Variants in CHD8 observed in about 807,000 individuals in gnomAD.
CHD8 encodes chromodomain helicase DNA binding protein 8.
CHD8 carries 31 observed loss-of-function variants against 279.2 expected under a neutral mutation model. The ratio of observed to expected loss-of-function variants is 0.11; its 90% confidence interval spans 0.08 to 0.15. CHD8 has a LOEUF of 0.15. CHD8 is among the 10% of genes least tolerant of loss of function. CHD8 has a pLI of 1.00. For synonymous variants in CHD8, 1,081 were observed against 1,139.6 expected (o/e 0.95, Z 1.04); for missense variants, 2,146 against 3,230.5 (o/e 0.66, Z 8.14).
chr14:21,388,631 A>G (rs1029960612), intron 37 of CHD8, among the ~76,000 whole-genome samples: 2 of 152,078 alleles, frequency 1.3e-5, no homozygotes, highest in African/African-American at 4.8e-5. Context: ...AGCTGATACT[A>G]GAGGACTGCA....
At position 21,409,835 on chromosome 14, in the gene CHD8, A is replaced by G. The variant is rs1352859355; in HGVS notation, c.2364+16T>C. 8 of 1,608,510 alleles carry G rather than the reference A, an allele frequency of 5.0e-6. No homozygotes were observed. The highest frequency in any genetic ancestry group is 6.8e-6 in the Non-Finnish European group (8 of 1,177,418). ...TTCTTATGTAGGCCTTTATACTTTA[A>G]TGCAAATGTACTTACCACCCTTTTG... On this transcript the variant is annotated intron_variant, in intron 11 of 37. Coordinates refer to ENST00000646647, the MANE Select transcript of CHD8 (RefSeq NM_001170629.2).
intron 1 of CHD8, among the ~76,000 whole-genome samples, chr14:21,446,761 A>C (rs1435897238): frequency 6.6e-6 from 1 of 152,244 alleles, no homozygotes; most frequent in Non-Finnish European, 1.5e-5. Context: ...TAGCTCCAGA[A>C]GACACATTCT....
rs1888233855 is a variant in CHD8 at position 21,405,896 on chromosome 14, T to C, written c.2908-32A>G. The C allele has an allele frequency of 6.3e-7, 1 of 1,586,888 alleles. No individual in the cohort carries two copies. Among genetic ancestry groups the C allele is most frequent in the Non-Finnish European group, 8.6e-7 (1 of 1,166,920 alleles). ...ATGGAGGAAACAAAAGAATAAAATT[T>C]AAAAACATGAAGGACTTCTGGGGTT... On this transcript the variant is annotated intron_variant, in intron 14 of 37. Coordinates refer to ENST00000646647, the MANE Select transcript of CHD8 (RefSeq NM_001170629.2). This position sits in a 1 kb window ranked among gnomAD's most constrained non-coding sequence, Gnocchi z 4.2.
chr14:21,385,800 G>C lies in CHD8; in HGVS notation c.7559C>G (p.Pro2520Arg). 1 of 1,550,730 alleles carries C rather than the reference G, an allele frequency of 6.4e-7. No individual in the cohort carries two copies. Among genetic ancestry groups the C allele is most frequent in the Non-Finnish European group, 8.7e-7 (1 of 1,146,756 alleles). The change falls in exon 38 of 38, where the codon CCA becomes CGA. Residue 2520 changes from proline to arginine, a missense_variant. Physicochemically the swap from Pro to Arg is moderately radical, Grantham distance 103 (BLOSUM62 -2). Transcript: ENST00000646647. ...GGTAGTACCAGAGGCGGTAGTCACT[G>C]GTGAAGAGGGGTAGCCAGGGGCTCT... ...GLRAPGYPSS[P>R]VTTASGTTLR...
At position 21,438,982 on chromosome 14, in the gene CHD8, CTGGGAG is replaced by C. The variant is rs1379127400; in HGVS notation, c.-215-7130_-215-7125del. 4.6e-5 allele frequency among the ~76,000 whole-genome samples: 7 copies of C among 152,104 alleles called. No homozygotes were observed. In the East Asian group the frequency reaches 1.4e-3, roughly 29 times the overall value. On this transcript the variant is annotated intron_variant, in intron 1 of 37. Transcript: ENST00000646647. ...TCTCTACTAAAAATACAAAAACTAG[CTGGGAG>C]TGGTGGCACTCACCTGTAGTCCCAG...
intron 1 of CHD8, among the ~76,000 whole-genome samples, chr14:21,435,216 G>C (rs188908822): frequency 1.3e-5 from 2 of 152,326 alleles, no homozygotes; most frequent in Admixed American, 1.3e-4. Flanking sequence ...CATGTAGGGG[G>C]TGAGGGATGG....
chr14:21,426,800 T>C (rs112923429), intron 4 of CHD8: 2,206 of 152,416 alleles, frequency 0.014, 17 homozygotes, highest in Non-Finnish European at 0.024. Context: ...CACTCAATTA[T>C]GACAAGAATT....
chr14:21,449,123 A>G (rs148823420), intron 1 of CHD8, among the ~76,000 whole-genome samples: 1,555 of 152,028 alleles, frequency 0.01, 28 homozygotes, highest in African/African-American at 0.036. Flanking sequence ...GCAGTGAGCC[A>G]AGACTGCGCC....
intron 1 of CHD8, among the ~76,000 whole-genome samples, chr14:21,434,039 CTTTTTTTTT>C (rs57822562): frequency 2.6e-5 from 3 of 115,884 alleles, no homozygotes; most frequent in Non-Finnish European, 3.7e-5. Context: ...GTGAAAGTTT[CTTTTTTTTT>C]TTTTTTTTTT....
In CHD8 at chr14:21,393,688, G is replaced by A; in HGVS notation, c.6107C>T (p.Pro2036Leu). The A allele has an allele frequency of 6.2e-7, 1 of 1,614,000 alleles. No homozygotes were observed. Residue 2036 changes from proline to leucine, a missense_variant, in exon 32 of 38, where the codon CCA (proline) becomes CTA (leucine). Transcript: ENST00000646647. The stretch of plus-strand genomic sequence containing the variant: ...TCGCATCTCATAGTCTTGTGGGGTT[G>A]GTCGGCTCCTGGCCACCACCTCGTG... Reference protein sequence around the residue: ...LEHEVVARSRPTPQDYEMRVS... With the variant: ...LEHEVVARSRLTPQDYEMRVS...
rs1887650446 is a variant in CHD8, at chr14:21,393,759, T to C, written c.6036A>G (p.Thr2012=). Residue 2012 remains threonine (T), a synonymous_variant, in exon 32 of 38, where the codon ACA becomes ACG. Coordinates refer to ENST00000646647, the MANE Select transcript of CHD8 (RefSeq NM_001170629.2). ...DAPVEKSPEE[T]ATQVPSLESL... is the part of the protein sequence containing the mutation. Reference sequence around the variant, plus strand: ...TCTCCAGACTGGGGACCTGGGTAGCTGTCTCCTCGGGTGACTTTTCAACAG... The same window carrying C: ...TCTCCAGACTGGGGACCTGGGTAGCCGTCTCCTCGGGTGACTTTTCAACAG... 1 of 1,613,944 alleles carries C rather than the reference T, an allele frequency of 6.2e-7. No homozygotes were observed. The highest frequency in any genetic ancestry group is 8.5e-7 in the Non-Finnish European group (1 of 1,179,852).
Position 21,408,407 on chromosome 14 carries a change from T to A in CHD8, c.2635A>T (p.Asn879Tyr). 6.2e-7 allele frequency: 1 copy of A among 1,613,986 alleles called. No homozygotes were observed. The highest frequency in any genetic ancestry group is 1.6e-4 in the Middle Eastern group (1 of 6,062). The change falls in exon 13 of 38, where the codon AAT becomes TAT. Residue 879 changes from asparagine to tyrosine, a missense_variant. This residue lies in a region of CHD8 where 211 missense variants were observed against 464.7 expected (regional missense o/e 0.45). Coordinates refer to ENST00000646647, the MANE Select transcript of CHD8 (RefSeq NM_001170629.2). This position sits in a 1 kb window ranked among gnomAD's most constrained non-coding sequence, Gnocchi z 4.3. The stretch of plus-strand genomic sequence containing the variant: ...ATAGTGTTCATTTCTGTCCATGTAT[T>A]AAATTCTCGCTCCCAGTTAGTAATT... Reference protein sequence around the residue: ...STITNWEREFNTWTEMNTIVY... With the variant: ...STITNWEREFYTWTEMNTIVY...
intron 11 of CHD8, 42 bp downstream of exon 11, chr14:21,409,809 T>C (rs1302911849): frequency 6.5e-7 from 1 of 1,546,396 alleles, no homozygotes; most frequent in South Asian, 1.2e-5. Flanking sequence ...AATTTAATCA[T>C]TTCTTATGTA....
chr14:21,399,527 A>G, intron 26 of CHD8, 75 bp downstream of exon 26: 1 of 997,842 alleles, frequency 1.0e-6, no homozygotes, highest in African/African-American at 1.6e-5. Context: ...ATTTCTCAGG[A>G]GCATTTTGCT....
chr14:21,407,903 C>T (rs1240807507), intron 13 of CHD8, among the ~76,000 whole-genome samples: 2 of 152,052 alleles, frequency 1.3e-5, no homozygotes, highest in Non-Finnish European at 2.9e-5. Flanking sequence ...GCCACCACGC[C>T]CGACCATTTA....
In CHD8 at chr14:21,405,886, G is replaced by C; in HGVS notation, c.2908-22C>G. 6.3e-7 allele frequency: 1 copy of C among 1,591,724 alleles called. No individual in the cohort carries two copies. Among genetic ancestry groups the C allele is most frequent in the Non-Finnish European group, 8.5e-7 (1 of 1,170,666 alleles). On this transcript the variant is annotated intron_variant, in intron 14 of 37. Coordinates refer to ENST00000646647, the MANE Select transcript of CHD8 (RefSeq NM_001170629.2). This position sits in a 1 kb window ranked among gnomAD's most constrained non-coding sequence, Gnocchi z 4.2. ...GTTCCTAGAAATGGAGGAAACAAAA[G>C]AATAAAATTTAAAAACATGAAGGAC...
Position 21,402,150 on chromosome 14 carries a change from T to A in CHD8, c.3883-14A>T. On this transcript the variant is annotated splice_polypyrimidine_tract_variant and intron_variant, in intron 19 of 37. Coordinates refer to ENST00000646647, the MANE Select transcript of CHD8 (RefSeq NM_001170629.2). This position sits in a 1 kb window ranked among gnomAD's most constrained non-coding sequence, Gnocchi z 4.5. Reference sequence around the variant, plus strand: ...GAACTGTTGGATCTGTAAAAACCAATAGAAAGATGAAAAGACTATCAAGAG... The same window carrying A: ...GAACTGTTGGATCTGTAAAAACCAAAAGAAAGATGAAAAGACTATCAAGAG... 7 of 1,578,684 alleles carry A rather than the reference T, an allele frequency of 4.4e-6. No homozygotes were observed. The highest frequency in any genetic ancestry group is 6.0e-6 in the Non-Finnish European group (7 of 1,164,074).
At chr14:21,395,405 A>T in intron 28 of CHD8, 53 bp from the exon 29 acceptor site, 1 of 1,295,608 alleles carries the variant, frequency 7.7e-7, no homozygotes, top group Non-Finnish European at 1.1e-6. Flanking sequence ...AAGGGGGGGA[A>T]GTTGGCACTC....
rs747923350 is a variant in CHD8, at chr14:21,445,688, C to CAAA, written c.-216+10341_-216+10343dup. On this transcript the variant is annotated intron_variant, in intron 1 of 37. Transcript: ENST00000646647. The stretch of plus-strand genomic sequence containing the variant: ...CGGGCAACAGAGCAGGATTCGGTCT[C>CAAA]AAAAAAAAAAAAAAAAAAAAAAAAA... 4.2e-3 allele frequency among the ~76,000 whole-genome samples: 72 copies of CAAA among 17,266 alleles called. 8 individuals are homozygous for CAAA. Among genetic ancestry groups the CAAA allele is most frequent in the African/African-American group, 0.013 (68 of 5,166 alleles). 11.3% of individuals were successfully genotyped at this position (17,266 alleles called of 152,430 possible).
Sources: allele counts gnomAD v4.1 joint callset (sites outside exome capture counted in the v4.1 genomes callset), GRCh38; gene constraint gnomAD v4.1.1; regional missense constraint gnomAD v4.1.1; non-coding constraint Gnocchi (gnomAD v3.1); transcripts MANE v1.5; gene names NCBI Gene and HGNC (gene_info 2026-07-23, HGNC 2026-07-21).